TJAP1: variants seen among roughly 807,000 people sequenced by gnomAD.
TJAP1 encodes tight junction associated protein 1.
A neutral mutation model predicts 42.0 loss-of-function variants in TJAP1; 27 were observed. That is an observed-to-expected ratio of 0.64 (90% CI 0.47 to 0.89). The LOEUF is 0.89. Ranked by LOEUF, TJAP1 falls within the 40% of genes least tolerant of loss-of-function variation. The pLI, the probability that TJAP1 is intolerant of heterozygous loss-of-function variation, is 0.00. For missense variants in TJAP1, 712 were observed against 726.9 expected, an observed-to-expected ratio of 0.98 and a Z score of 0.24; for synonymous variants, 257 against 288.4, an observed-to-expected ratio of 0.89 and a Z score of 1.10.
chr6:43,504,115 C>A, intron 10 of TJAP1: 1 of 257,690 alleles, frequency 3.9e-6, no homozygotes, highest in South Asian at 3.9e-5. Context: ...AGAGGTATTT[C>A]TTTTTTTTTT....
At position 43,492,318 on chromosome 6, in the gene TJAP1, A is replaced by C. The variant is rs1167509376; in HGVS notation, c.-121-5563A>C. On this transcript the variant is annotated intron_variant, in intron 2 of 10. Transcript: ENST00000372449. This position sits in a 1 kb window ranked among gnomAD's most constrained non-coding sequence, Gnocchi z 4.2. The stretch of plus-strand genomic sequence containing the variant: ...GGGGGCCAGGTCAGGGCTGCAGGCA[A>C]CTTGTCCCAAGAGGGTGAGGTTGTA... 6.6e-6 allele frequency among the ~76,000 whole-genome samples: 1 copy of C among 152,066 alleles called. No homozygotes were observed. Among genetic ancestry groups the C allele is most frequent in the African/African-American group, 2.4e-5 (1 of 41,390 alleles).
exon 11 of TJAP1, chr6:43,506,062 C>T (rs1335776555): frequency 2.3e-6 from 1 of 440,566 alleles, no homozygotes; most frequent in Non-Finnish European, 3.9e-6. Flanking sequence ...TCATGGTTTT[C>T]CCTTTTTCTT....
chr6:43,499,119 A>G lies in TJAP1; in HGVS notation c.99+19A>G, dbSNP rs1410237133. On this transcript the variant is annotated intron_variant, in intron 4 of 10. Transcript: ENST00000372449. ...GCAGGAGGTCAGCAAGACTGGTATC[A>G]CAGCCTGACCGGCAGAGGCAAGGCC... is the stretch of plus-strand genomic sequence containing the variant. 4 of 1,612,650 alleles carry G rather than the reference A, an allele frequency of 2.5e-6. No individual in the cohort carries two copies. In the African/African-American group the frequency reaches 4.0e-5, roughly 16 times the overall value.
At chr6:43,479,794 A>T (rs1347298318) in intron 2 of TJAP1, among the ~76,000 whole-genome samples, 2 of 152,128 alleles carry the variant, frequency 1.3e-5, no homozygotes, top group Non-Finnish European at 2.9e-5. Flanking sequence ...ACAAGGTGAA[A>T]CCCCATCTCT....
At chr6:43,501,271 G>A (rs539614316) in intron 5 of TJAP1, 14 of 483,290 alleles carry the variant, frequency 2.9e-5, no homozygotes, top group East Asian at 2.1e-4. Context: ...TCTATTCTCC[G>A]ATAGTGAAGG....
At chr6:43,486,992 T>G (rs1786683586) in intron 2 of TJAP1, among the ~76,000 whole-genome samples, 1 of 152,142 alleles carries the variant, frequency 6.6e-6, no homozygotes, top group Non-Finnish European at 1.5e-5. Context: ...AGTAATAAAC[T>G]GCGTTTTATG....
intron 10 of TJAP1, 101 bp from the exon 11 acceptor site, chr6:43,504,660 A>G (rs1791830244): frequency 7.0e-7 from 1 of 1,435,746 alleles, no homozygotes; most frequent in Non-Finnish European, 9.5e-7. Context: ...AGTGCTGAGT[A>G]CACAGAGGTA....
chr6:43,498,621 A>G (rs1562268033), intron 3 of TJAP1, among the ~76,000 whole-genome samples: 1 of 152,264 alleles, frequency 6.6e-6, no homozygotes, highest in Non-Finnish European at 1.5e-5. Flanking sequence ...TAATGCATAG[A>G]GAGCAGTTTT....
rs1257239821 is a variant in TJAP1, at chr6:43,495,437, T to C, written c.-121-2444T>C. On this transcript the variant is annotated intron_variant, in intron 2 of 10. Transcript: ENST00000372449. The surrounding 1 kb of genome is among the most constrained non-coding windows in gnomAD (Gnocchi z 4.6). The stretch of plus-strand genomic sequence containing the variant: ...GATTTCAGAAGTTGGAGCTAGGGCC[T>C]GGGTGTTGGGCACACCCTGTGTTTA... Among the ~76,000 whole-genome samples the C allele has an allele frequency of 6.6e-6, 1 of 152,186 alleles. No individual in the cohort carries two copies. Among genetic ancestry groups the C allele is most frequent in the Admixed American group, 6.5e-5 (1 of 15,286 alleles).
chr6:43,482,091 A>G (rs1581889180), intron 2 of TJAP1, among the ~76,000 whole-genome samples: 1 of 152,160 alleles, frequency 6.6e-6, no homozygotes, highest in Non-Finnish European at 1.5e-5. Context: ...GGAGCCATAT[A>G]TCTTAGGATA....
Position 43,492,782 on chromosome 6 carries a change from C to G in TJAP1, c.-121-5099C>G, listed in dbSNP as rs1788097389. Among the ~76,000 whole-genome samples the G allele has an allele frequency of 6.6e-6, 1 of 152,172 alleles. No homozygotes were observed. The highest frequency in any genetic ancestry group is 2.4e-5 in the African/African-American group (1 of 41,434). ...CGCTTGCAGGGTGACCATTTGTGTT[C>G]CTTAGACATCAGTTGGGGGCAGAGA... On this transcript the variant is annotated intron_variant, in intron 2 of 10. Transcript: ENST00000372449. The surrounding 1 kb of genome is among the most constrained non-coding windows in gnomAD (Gnocchi z 4.2).
At chr6:43,489,026 G>A (rs1787204240) in intron 2 of TJAP1, among the ~76,000 whole-genome samples, 1 of 152,162 alleles carries the variant, frequency 6.6e-6, no homozygotes, top group South Asian at 2.1e-4. Context: ...CAGGAGAGAG[G>A]ACCCCTCTCT....
At position 43,502,369 on chromosome 6, in the gene TJAP1, AGC is replaced by A; in HGVS notation, c.357+21_357+22del. On this transcript the variant is annotated intron_variant, in intron 7 of 10. Transcript: ENST00000372449. Reference sequence around the variant, plus strand: ...ACACTGGTAATCTGTCTGGGAGGGCAGCTTGGTGGGCACTGTGCTCATAGCAT... The same window carrying A: ...ACACTGGTAATCTGTCTGGGAGGGCATTGGTGGGCACTGTGCTCATAGCAT... 6.2e-7 allele frequency: 1 copy of A among 1,612,402 alleles called. No homozygotes were observed. Among genetic ancestry groups the A allele is most frequent in the South Asian group, 1.1e-5 (1 of 90,706 alleles).
intron 7 of TJAP1, 32 bp from the exon 8 acceptor site, chr6:43,502,556 C>A: frequency 6.4e-7 from 1 of 1,551,708 alleles, no homozygotes; most frequent in South Asian, 1.2e-5. Flanking sequence ...CCCCCTCATG[C>A]TGCCACCGTT....
intron 6 of TJAP1, 92 bp downstream of exon 6, chr6:43,501,779 CTCTG>C (rs1361068276): frequency 5.9e-6 from 4 of 674,800 alleles, no homozygotes; most frequent in East Asian, 2.8e-5. Context: ...CTCTCTCTCT[CTCTG>C]TGTCTCTGTC....
At chr6:43,483,756 C>G (rs1241141132) in intron 2 of TJAP1, among the ~76,000 whole-genome samples, 2 of 152,220 alleles carry the variant, frequency 1.3e-5, no homozygotes, top group Non-Finnish European at 2.9e-5. Flanking sequence ...TTGGTCTCAT[C>G]TTGGTCTCTA....
intron 2 of TJAP1, among the ~76,000 whole-genome samples, chr6:43,486,860 A>G (rs370522383): frequency 6.6e-6 from 1 of 152,198 alleles, no homozygotes. Context: ...GATAAATCAA[A>G]AGGATGAAAC....
intron 2 of TJAP1, among the ~76,000 whole-genome samples, chr6:43,480,420 T>C (rs541208874): frequency 6.6e-6 from 1 of 152,376 alleles, no homozygotes; most frequent in Admixed American, 6.5e-5. Flanking sequence ...ATCTTTGCAG[T>C]TGAGTAATGA....
intron 6 of TJAP1, among the ~76,000 whole-genome samples, chr6:43,501,950 C>G (rs910443874): frequency 6.7e-6 from 1 of 148,800 alleles, no homozygotes; most frequent in African/African-American, 2.5e-5. Context: ...CTCTCTCTCT[C>G]TCTCTCCTTT....
Sources: allele counts gnomAD v4.1 joint callset (sites outside exome capture counted in the v4.1 genomes callset), GRCh38; gene constraint gnomAD v4.1.1; non-coding constraint Gnocchi (gnomAD v3.1); transcripts MANE v1.5; gene names NCBI Gene and HGNC (gene_info 2026-07-23, HGNC 2026-07-21).